FREM1: variants seen among roughly 807,000 people sequenced by gnomAD.
FREM1 encodes FRAS1-related extracellular matrix protein 1.
FREM1 carries 220 observed loss-of-function variants against 210.1 expected under a neutral mutation model. That is an observed-to-expected ratio of 1.05 (90% CI 0.94 to 1.17). The LOEUF (loss-of-function observed/expected upper bound fraction) is 1.17, where lower values mean the gene tolerates loss of function less well. Among genes scored for constraint, FREM1 ranks in the 50% most tolerant of loss-of-function variants. The pLI is 0.00. For synonymous variants in FREM1, 1,189 were observed against 980.2 expected (o/e 1.21, Z -3.98); for missense variants, 3,454 against 2,675.5 (o/e 1.29, Z -6.42).
chr9:14,833,312 G>A (rs1823923715), intron 10 of FREM1, among the ~76,000 whole-genome samples: 1 of 152,142 alleles, frequency 6.6e-6, no homozygotes, highest in Admixed American at 6.5e-5. Flanking sequence ...GTCTTCCCCA[G>A]GCAAGAGGGA....
intron 1 of FREM1, among the ~76,000 whole-genome samples, chr9:14,878,125 G>A (rs146685812): frequency 1.3e-5 from 2 of 152,108 alleles, no homozygotes; most frequent in African/African-American, 4.8e-5. Flanking sequence ...CTTATACCAT[G>A]TCACTGCTCT....
intron 15 of FREM1, 34 bp from the exon 16 acceptor site, chr9:14,813,098 A>G: frequency 1.3e-6 from 2 of 1,578,046 alleles, no homozygotes; most frequent in Non-Finnish European, 1.7e-6. Context: ...TTTTCAGAAA[A>G]AGAAAGAAAT....
intron 30 of FREM1, among the ~76,000 whole-genome samples, chr9:14,749,869 G>T (rs969762647): frequency 1.3e-5 from 2 of 152,080 alleles, no homozygotes; most frequent in East Asian, 3.8e-4. Context: ...TTTCCCCCTC[G>T]GTGAGAACAA....
chr9:14,891,646 A>G (rs1240424875), intron 1 of FREM1, among the ~76,000 whole-genome samples: 1 of 152,218 alleles, frequency 6.6e-6, no homozygotes, highest in Non-Finnish European at 1.5e-5. Context: ...GGAAGGCAGC[A>G]TTTGACTCAA....
chr9:14,756,299 T>A, intron 29 of FREM1, 75 bp downstream of exon 29: 4 of 1,072,468 alleles, frequency 3.7e-6, no homozygotes, highest in Non-Finnish European at 5.5e-6. Flanking sequence ...CTATCTTCTC[T>A]ACAATCTCCA....
chr9:14,789,932 G>C (rs1346674862), intron 22 of FREM1, among the ~76,000 whole-genome samples: 3 of 151,958 alleles, frequency 2.0e-5, no homozygotes, highest in Non-Finnish European at 4.4e-5. Flanking sequence ...GCTTTCCCTA[G>C]GAATGGCTCA....
rs1445504712 is a variant in FREM1, at chr9:14,851,271, CTCTCCT to C, written c.1152+7_1152+12del. 1.3e-6 allele frequency: 2 copies of C among 1,549,676 alleles called. No individual in the cohort carries two copies. Among genetic ancestry groups the C allele is most frequent in the African/African-American group, 2.7e-5 (2 of 73,082 alleles). ...CTTCTAACTAGGCTGGAAGCTTTGT[CTCTCCT>C]TCTTACCTCATCATGTCTCCTCTCA... On this transcript the variant is annotated splice_region_variant and intron_variant, in intron 6 of 36. Coordinates refer to ENST00000380880, the MANE Select transcript of FREM1 (RefSeq NM_001379081.2).
chr9:14,817,830 T>A (rs1283014905), intron 14 of FREM1, among the ~76,000 whole-genome samples: 1 of 152,138 alleles, frequency 6.6e-6, no homozygotes, highest in Non-Finnish European at 1.5e-5. Context: ...CATGATCCTC[T>A]CACGCACTAC....
chr9:14,826,760 G>A (rs950244445), intron 10 of FREM1, among the ~76,000 whole-genome samples: 7 of 152,156 alleles, frequency 4.6e-5, no homozygotes, highest in African/African-American at 1.7e-4. Context: ...CCTTATAAAA[G>A]GGCTCGAGGG....
intron 1 of FREM1, among the ~76,000 whole-genome samples, chr9:14,886,782 CA>C (rs1835889328): frequency 6.6e-6 from 1 of 151,620 alleles, no homozygotes. Flanking sequence ...CCTGTGGTCC[CA>C]GCCACTGGGG....
chr9:14,819,598 T>C (rs1198202425), intron 13 of FREM1, among the ~76,000 whole-genome samples, 156 bp from the exon 14 acceptor site: 1 of 152,262 alleles, frequency 6.6e-6, no homozygotes, highest in African/African-American at 2.4e-5. Flanking sequence ...CTAGACATTT[T>C]GACTGAAAAA....
intron 18 of FREM1, among the ~76,000 whole-genome samples, chr9:14,805,376 C>G (rs1431652766): frequency 6.6e-6 from 1 of 152,128 alleles, no homozygotes; most frequent in Non-Finnish European, 1.5e-5. Flanking sequence ...CATGGAGAAC[C>G]GAAGAGTAAT....
intron 21 of FREM1, among the ~76,000 whole-genome samples, chr9:14,796,165 C>T (rs78372478): frequency 4.6e-5 from 7 of 152,156 alleles, no homozygotes; most frequent in Non-Finnish European, 7.4e-5. Context: ...GGATATGGGG[C>T]AGATAAGGAA....
At chr9:14,832,907 G>A (rs1363338529) in intron 10 of FREM1, among the ~76,000 whole-genome samples, 1 of 152,132 alleles carries the variant, frequency 6.6e-6, no homozygotes, top group Non-Finnish European at 1.5e-5. Context: ...CCGAAGAAAA[G>A]GTATCTTAGG....
chr9:14,784,912 A>T (rs1850174751), intron 23 of FREM1, among the ~76,000 whole-genome samples: 1 of 152,236 alleles, frequency 6.6e-6, no homozygotes, highest in Non-Finnish European at 1.5e-5. Flanking sequence ...TCATCTCATA[A>T]CTTTTTGATT....
intron 24 of FREM1, among the ~76,000 whole-genome samples, chr9:14,778,812 G>A (rs1313642069): frequency 2.6e-5 from 4 of 151,306 alleles, no homozygotes; most frequent in Non-Finnish European, 4.4e-5. Context: ...GGAGGCTGGG[G>A]TGGGTGGAGC....
Position 14,805,033 on chromosome 9 carries a change from AGTGATGCTTCCCATCT to A in FREM1, c.3378_3393del (p.Asp1127ProfsTer9), listed in dbSNP as rs1193942826. On this transcript the variant is annotated frameshift_variant, in exon 19 of 37. Coordinates refer to ENST00000380880, the MANE Select transcript of FREM1 (RefSeq NM_001379081.2). LOFTEE classifies it high-confidence loss of function. ...ATAATAGAAAATGGTATCTCCAAGG[AGTGATGCTTCCCATCT>A]GTGACGTACACCGTGAACTGGTCGG... 4 of 1,613,824 alleles carry A rather than the reference AGTGATGCTTCCCATCT, an allele frequency of 2.5e-6. No individual in the cohort carries two copies. The highest frequency in any genetic ancestry group is 3.4e-6 in the Non-Finnish European group (4 of 1,179,730).
chr9:14,848,871 T>A (rs1375566132), intron 6 of FREM1, 98 bp from the exon 7 acceptor site: 9 of 601,162 alleles, frequency 1.5e-5, no homozygotes, highest in Non-Finnish European at 2.6e-5. Context: ...GATTCAGTTT[T>A]CTGCGGGGAT....
At chr9:14,769,370 G>A (rs777979726) in intron 27 of FREM1, among the ~76,000 whole-genome samples, 1 of 152,144 alleles carries the variant, frequency 6.6e-6, no homozygotes, top group African/African-American at 2.4e-5. Context: ...CACGGTCCTA[G>A]AGTGACCTCT....
Sources: gnomAD v4.1 joint callset for allele counts (sites outside exome capture counted in the v4.1 genomes callset) on GRCh38, gnomAD v4.1.1 for gene constraint, MANE v1.5 for transcripts, NCBI Gene and HGNC (gene_info 2026-07-23, HGNC 2026-07-21) for gene names.